The following PEPD variants were observed in gnomAD, a reference collection of about 807,000 sequenced individuals.
PEPD encodes peptidase D.
PEPD carries 53 observed loss-of-function variants against 60.7 expected under a neutral mutation model. That is an observed-to-expected ratio of 0.87 (90% CI 0.70 to 1.10). The LOEUF (loss-of-function observed/expected upper bound fraction) is 1.10. PEPD is among the 50% of genes least tolerant of loss of function. PEPD has a pLI of 0.00. For missense variants in PEPD, 711 were observed against 711.9 expected (o/e 1.00, Z 0.01); for synonymous variants, 267 against 284.1 (o/e 0.94, Z 0.60).
At chr19:33,489,246 T>A (rs1288405713) in intron 6 of PEPD, among the ~76,000 whole-genome samples, 2 of 151,988 alleles carry the variant, frequency 1.3e-5, no homozygotes, top group African/African-American at 4.8e-5. Flanking sequence ...GAGAAGAGGT[T>A]AAAGGGATCC....
At chr19:33,484,936 G>A (rs73594008) in intron 6 of PEPD, among the ~76,000 whole-genome samples, 1,847 of 152,236 alleles carry the variant, frequency 0.012, 39 homozygotes, top group African/African-American at 0.041. Flanking sequence ...TGTATTAATC[G>A]TGTAAAAGTA....
At chr19:33,415,396 G>C (rs1430676914) in intron 9 of PEPD, among the ~76,000 whole-genome samples, 1 of 152,220 alleles carries the variant, frequency 6.6e-6, no homozygotes. Context: ...GGCAGGCCGG[G>C]CGCAGTGGCT....
At chr19:33,518,910 G>T (rs146290432) in intron 1 of PEPD, among the ~76,000 whole-genome samples, 2 of 152,192 alleles carry the variant, frequency 1.3e-5, no homozygotes, top group African/African-American at 4.8e-5. Flanking sequence ...TTCTGGGAAA[G>T]GGAACCATCT....
intron 13 of PEPD, 137 bp from the exon 14 acceptor site, chr19:33,388,218 C>T: frequency 1.3e-6 from 1 of 770,992 alleles, no homozygotes; most frequent in Non-Finnish European, 2.2e-6. Flanking sequence ...CCTAGACTCG[C>T]CCCTGCTGTG....
At chr19:33,432,901 A>G (rs1969302968) in intron 9 of PEPD, among the ~76,000 whole-genome samples, 1 of 152,252 alleles carries the variant, frequency 6.6e-6, no homozygotes, top group Non-Finnish European at 1.5e-5. Context: ...CCTGGGTCAC[A>G]TGCACACGCC....
At chr19:33,413,240 T>C (rs1473873234) in intron 10 of PEPD, among the ~76,000 whole-genome samples, 1 of 152,190 alleles carries the variant, frequency 6.6e-6, no homozygotes, top group Non-Finnish European at 1.5e-5. Flanking sequence ...GGTCCCCACA[T>C]GCTGTGTGTG....
At chr19:33,454,292 T>A (rs1325602733) in intron 9 of PEPD, among the ~76,000 whole-genome samples, 1 of 152,104 alleles carries the variant, frequency 6.6e-6, no homozygotes, top group Non-Finnish European at 1.5e-5. Flanking sequence ...TAAATATCCA[T>A]GGGTCTATAC....
chr19:33,457,022 G>C (rs879690502), intron 9 of PEPD, among the ~76,000 whole-genome samples: 5 of 150,786 alleles, frequency 3.3e-5, no homozygotes, highest in Admixed American at 1.3e-4. Flanking sequence ...CATCCACCCA[G>C]AGTGCCCGGC....
chr19:33,421,245 G>A (rs1346765354), intron 9 of PEPD, among the ~76,000 whole-genome samples: 1 of 152,178 alleles, frequency 6.6e-6, no homozygotes, highest in Non-Finnish European at 1.5e-5. Flanking sequence ...GGGTTTTTGG[G>A]GGGTCAGCTT....
In PEPD at chr19:33,391,476, A is replaced by T; in HGVS notation, c.971T>A (p.Val324Asp). The change falls in exon 13 of 15, where the codon GTC (valine) becomes GAC (aspartate). Residue 324 changes from valine to aspartate, a missense_variant. Transcript: ENST00000244137. ...RAVMGAMKPG[V>D]WWPDMHRLAD... Reference sequence around the variant, plus strand: ...CAGGCGGTGCATGTCAGGCCACCAGACACCTGTGGGCCAGAGGGAGCTGCC... The same window carrying T: ...CAGGCGGTGCATGTCAGGCCACCAGTCACCTGTGGGCCAGAGGGAGCTGCC... The T allele has an allele frequency of 6.5e-7, 1 of 1,549,744 alleles. No individual in the cohort carries two copies. Among genetic ancestry groups the T allele is most frequent in the Non-Finnish European group, 8.7e-7 (1 of 1,147,168 alleles).
At chr19:33,456,632 G>A (rs917944739) in intron 9 of PEPD, among the ~76,000 whole-genome samples, 1 of 152,160 alleles carries the variant, frequency 6.6e-6, no homozygotes, top group Non-Finnish European at 1.5e-5. Context: ...AGCCTTCAGA[G>A]AAAGGATGTG....
At chr19:33,389,494 G>C (rs1448418456) in intron 13 of PEPD, among the ~76,000 whole-genome samples, 1 of 136,668 alleles carries the variant, frequency 7.3e-6, no homozygotes, top group Non-Finnish European at 1.6e-5. Context: ...GCCTGTGCTG[G>C]GCTCCCCCAC....
chr19:33,421,126 A>G (rs1443771272), intron 9 of PEPD, among the ~76,000 whole-genome samples: 1 of 152,140 alleles, frequency 6.6e-6, no homozygotes, highest in Non-Finnish European at 1.5e-5. Flanking sequence ...TTGTTTCCAG[A>G]TCACAGCTAT....
chr19:33,408,729 C>T (rs1249640768), intron 11 of PEPD, among the ~76,000 whole-genome samples: 1 of 152,148 alleles, frequency 6.6e-6, no homozygotes, highest in African/African-American at 2.4e-5. Flanking sequence ...CGCTCGGCTT[C>T]GGGGGAATTC....
chr19:33,506,648 C>G (rs1271668359), intron 3 of PEPD, among the ~76,000 whole-genome samples: 1 of 144,606 alleles, frequency 6.9e-6, no homozygotes. Flanking sequence ...CACACATGCC[C>G]ACACACACTC....
intron 9 of PEPD, among the ~76,000 whole-genome samples, chr19:33,421,443 G>A (rs918508748): frequency 1.3e-5 from 2 of 152,178 alleles, no homozygotes; most frequent in African/African-American, 4.8e-5. Flanking sequence ...TTAAAGCAAA[G>A]AACATTTTCC....
intron 11 of PEPD, among the ~76,000 whole-genome samples, chr19:33,405,385 A>G (rs960927030): frequency 1.3e-5 from 2 of 152,264 alleles, no homozygotes; most frequent in Admixed American, 1.3e-4. Context: ...TCTCCTGAGT[A>G]GTGGCACGGC....
chr19:33,511,533 C>T (rs202120260), intron 2 of PEPD: 7 of 343,622 alleles, frequency 2.0e-5, no homozygotes, highest in African/African-American at 6.4e-5. Flanking sequence ...ACGCCCAGGC[C>T]GGATATCTGC....
intron 5 of PEPD, 124 bp from the exon 6 acceptor site, chr19:33,490,181 C>T (rs1353938440): frequency 9.8e-6 from 7 of 711,608 alleles, no homozygotes; most frequent in African/African-American, 8.8e-5. Flanking sequence ...CTTCCCCCAA[C>T]AGATGAGCCA....
Sources: gnomAD v4.1 joint callset for allele counts (sites outside exome capture counted in the v4.1 genomes callset) on GRCh38, gnomAD v4.1.1 for gene constraint, MANE v1.5 for transcripts, NCBI Gene and HGNC (gene_info 2026-07-23, HGNC 2026-07-21) for gene names.